The following KCNB2 variants were observed in gnomAD, a reference collection of about 807,000 sequenced individuals.
KCNB2 encodes delayed rectifier potassium channel protein.
In KCNB2, 15 loss-of-function variants were observed where a neutral mutation model predicts 61.5. That is an observed-to-expected ratio of 0.24 (90% confidence interval 0.16 to 0.38). The LOEUF (loss-of-function observed/expected upper bound fraction) is 0.38. Ranked by LOEUF, KCNB2 falls within the 10% of genes least tolerant of loss-of-function variation. The pLI, the probability that KCNB2 is intolerant of heterozygous loss-of-function variation, is 1.00. For synonymous variants in KCNB2, 457 were observed against 446.0 expected (o/e 1.02, Z -0.31); for missense variants, 828 against 1,125.2 (o/e 0.74, Z 3.78).
chr8:72,649,883 A>G (rs1359109371), intron 2 of KCNB2, among the ~76,000 whole-genome samples: 1 of 152,130 alleles, frequency 6.6e-6, no homozygotes, highest in Non-Finnish European at 1.5e-5. Context: ...ATTGCAACCG[A>G]AAGGATGACT....
At chr8:72,642,130 T>C (rs1806065708) in intron 2 of KCNB2, among the ~76,000 whole-genome samples, 1 of 152,114 alleles carries the variant, frequency 6.6e-6, no homozygotes, top group African/African-American at 2.4e-5. Flanking sequence ...TACGTGTGGC[T>C]ACTCAGCACT....
intron 2 of KCNB2, among the ~76,000 whole-genome samples, chr8:72,748,129 A>C (rs922680917): frequency 1.3e-5 from 2 of 152,268 alleles, no homozygotes; most frequent in African/African-American, 4.8e-5. Context: ...AGAAATAAGC[A>C]ATATAATTTA....
intron 2 of KCNB2, among the ~76,000 whole-genome samples, chr8:72,836,819 G>T (rs946289975): frequency 2.0e-5 from 3 of 152,158 alleles, no homozygotes; most frequent in African/African-American, 7.2e-5. Context: ...GATGTGGTAG[G>T]AGAATCCTGG....
rs764013780 is a variant in KCNB2, at chr8:72,936,818, C to T, written c.1463C>T (p.Ser488Leu). 27 of 1,613,974 alleles carry T rather than the reference C, an allele frequency of 1.7e-5. No homozygotes were observed. The highest frequency in any genetic ancestry group is 2.2e-5 in the East Asian group (1 of 44,890). ...GACTCCGCCGACGATAATCACCTGT[C>T]GCCAAGCCGGTGGAAGTGGGCCAGG... ...TKDSADDNHL[S>L]PSRWKWARKA... is the part of the protein sequence containing the mutation. Residue 488 changes from serine to leucine, a missense_variant, in exon 3 of 3, where the codon TCG becomes TTG. Transcript: ENST00000523207. This position sits in a 1 kb window ranked among gnomAD's most constrained non-coding sequence, Gnocchi z 5.6.
chr8:72,919,199 T>C (rs1806454617), intron 2 of KCNB2, among the ~76,000 whole-genome samples: 2 of 152,344 alleles, frequency 1.3e-5, no homozygotes, highest in East Asian at 3.9e-4. Context: ...TTTTCACTTC[T>C]TTACATATTT....
At chr8:72,725,355 T>TTGTA (rs1563571720) in intron 2 of KCNB2, among the ~76,000 whole-genome samples, 1 of 151,184 alleles carries the variant, frequency 6.6e-6, no homozygotes, top group Non-Finnish European at 1.5e-5. Flanking sequence ...ACAAGAAGAG[T>TTGTA]TGTAGTGTTA....
chr8:72,934,058 G>A (rs1355414331), intron 2 of KCNB2, among the ~76,000 whole-genome samples: 2 of 152,116 alleles, frequency 1.3e-5, no homozygotes, highest in Non-Finnish European at 2.9e-5. Context: ...ATTTAAGGAG[G>A]AAAGATGGAA....
chr8:72,854,704 A>C (rs1303558699), intron 2 of KCNB2, among the ~76,000 whole-genome samples: 1 of 152,154 alleles, frequency 6.6e-6, no homozygotes, highest in Non-Finnish European at 1.5e-5. Context: ...TTCCCAAAAA[A>C]GTAATCGTTA....
chr8:72,583,737 G>A (rs2128980701), intron 2 of KCNB2, among the ~76,000 whole-genome samples: 1 of 152,174 alleles, frequency 6.6e-6, no homozygotes, highest in Admixed American at 6.5e-5. Flanking sequence ...TCTGGAGAGA[G>A]ACTGAATCCC....
intron 2 of KCNB2, among the ~76,000 whole-genome samples, chr8:72,795,094 G>T (rs1244221515): frequency 6.6e-6 from 1 of 152,196 alleles, no homozygotes; most frequent in Non-Finnish European, 1.5e-5. Context: ...AAAGATGTGT[G>T]TGTGGGATCG....
At chr8:72,764,758 T>G (rs1277895131) in intron 2 of KCNB2, among the ~76,000 whole-genome samples, 2 of 152,164 alleles carry the variant, frequency 1.3e-5, no homozygotes, top group African/African-American at 4.8e-5. Context: ...ATGCACATAT[T>G]TAGGAGAGTA....
At chr8:72,633,834 A>G (rs6983825) in intron 2 of KCNB2, among the ~76,000 whole-genome samples, 51 of 152,298 alleles carry the variant, frequency 3.3e-4, no homozygotes, top group African/African-American at 1.0e-3. Flanking sequence ...CACTGCATAC[A>G]TCAACTGTGA....
In KCNB2 at chr8:72,936,782, C is replaced by G. The variant is rs1183214864; in HGVS notation, c.1427C>G (p.Ala476Gly). ...DVAVEKAGESANTKDSADDNH... is the reference protein window; with the variant it reads ...DVAVEKAGESGNTKDSADDNH... ...GCTGTTGAGAAGGCCGGAGAGTCCG[C>G]CAACACAAAGGACTCCGCCGACGAT... Residue 476 changes from alanine to glycine, a missense_variant, in exon 3 of 3, where the codon GCC (alanine) becomes GGC (glycine). Around this residue, in one of 4 missense-constraint regions of KCNB2, gnomAD observed 559 missense variants for 588.4 expected, o/e 0.95. Coordinates refer to ENST00000523207, the MANE Select transcript of KCNB2 (RefSeq NM_004770.3). This position sits in a 1 kb window ranked among gnomAD's most constrained non-coding sequence, Gnocchi z 5.6. 1.1e-5 allele frequency: 17 copies of G among 1,614,108 alleles called. No individual in the cohort carries two copies. The highest frequency in any genetic ancestry group is 1.4e-5 in the Non-Finnish European group (16 of 1,180,010).
rs144362651 is a variant in KCNB2, at chr8:72,909,698, G to C, written c.580-26237G>C. Among the ~76,000 whole-genome samples, 10 of 152,224 alleles carry C rather than the reference G, an allele frequency of 6.6e-5. No homozygotes were observed. In the East Asian group the frequency reaches 1.9e-3, roughly 29 times the overall value. On this transcript the variant is annotated intron_variant, in intron 2 of 2. Coordinates refer to ENST00000523207, the MANE Select transcript of KCNB2 (RefSeq NM_004770.3). ...TCCCACACTCAGGTAGTGGCAAAAA[G>C]GATGAAGAGTAATGTGGAGGTATGA...
Position 72,657,625 on chromosome 8 carries a change from A to G in KCNB2, c.579+89312A>G, listed in dbSNP as rs1585811346. ...TCTCCTAAGAAATACAATTCTATCC[A>G]GTTTCCACTGAGCAATTGTATACTC... is the stretch of plus-strand genomic sequence containing the variant. On this transcript the variant is annotated intron_variant, in intron 2 of 2. Coordinates refer to ENST00000523207, the MANE Select transcript of KCNB2 (RefSeq NM_004770.3). 3.9e-5 allele frequency among the ~76,000 whole-genome samples: 6 copies of G among 152,276 alleles called. 1 individual carries two copies. The South Asian group carries it at 1.2e-3, about 32-fold the overall frequency.
chr8:72,809,476 A>C (rs1479735594), intron 2 of KCNB2, among the ~76,000 whole-genome samples: 3 of 152,218 alleles, frequency 2.0e-5, no homozygotes, highest in Non-Finnish European at 4.4e-5. Context: ...AACTCCTTGC[A>C]GCAACTATCA....
chr8:72,605,061 G>A (rs1233506224), intron 2 of KCNB2, among the ~76,000 whole-genome samples: 1 of 152,174 alleles, frequency 6.6e-6, no homozygotes, highest in Non-Finnish European at 1.5e-5. Context: ...ATCAACCTAA[G>A]CATGGTTCAC....
At chr8:72,869,803 G>T (rs926461481) in intron 2 of KCNB2, among the ~76,000 whole-genome samples, 1 of 152,154 alleles carries the variant, frequency 6.6e-6, no homozygotes, top group Admixed American at 6.5e-5. Flanking sequence ...AAAACTGAAA[G>T]TAGAACTACC....
chr8:72,834,337 G>A (rs1200737492), intron 2 of KCNB2, among the ~76,000 whole-genome samples: 3 of 152,094 alleles, frequency 2.0e-5, no homozygotes, highest in Non-Finnish European at 4.4e-5. Context: ...GATATATTTG[G>A]AGAACCGTTG....
Sources: gnomAD v4.1 joint callset for allele counts (sites outside exome capture counted in the v4.1 genomes callset) on GRCh38, gnomAD v4.1.1 for gene constraint, gnomAD v4.1.1 regional missense constraint, Gnocchi (gnomAD v3.1) non-coding constraint, MANE v1.5 for transcripts, NCBI Gene and HGNC (gene_info 2026-07-23, HGNC 2026-07-21) for gene names.